Variants in FMO3 observed in about 807,000 individuals in gnomAD.
FMO3 encodes the protein flavin-containing monooxygenase 3.
In FMO3, 40 loss-of-function variants were observed where a neutral mutation model predicts 39.4. The observed-to-expected ratio is 1.02, with a 90% CI of 0.79 to 1.32. FMO3 has a LOEUF of 1.32. Among genes scored for constraint, FMO3 ranks in the 40% most tolerant of loss-of-function variants. The pLI, the probability that FMO3 is intolerant of heterozygous loss-of-function variation, is 0.00. For missense variants in FMO3, 680 were observed against 651.8 expected, an observed-to-expected ratio of 1.04 and a Z score of -0.47; for synonymous variants, 219 against 228.8, an observed-to-expected ratio of 0.96 and a Z score of 0.39.
chr1:171,107,619 T>C (rs998427533), intron 3 of FMO3, 56 bp from the exon 4 acceptor site: 48 of 1,487,906 alleles, frequency 3.2e-5, no homozygotes, highest in South Asian at 2.6e-4. Context: ...ATACTGTATC[T>C]GCCAAAACCA....
intron 2 of FMO3, among the ~76,000 whole-genome samples, chr1:171,093,983 C>T (rs1654839044): frequency 6.6e-6 from 1 of 151,570 alleles, no homozygotes; most frequent in Non-Finnish European, 1.5e-5. Context: ...TACAGGTGCC[C>T]ACACCCAGCT....
chr1:171,099,490 A>C (rs1481838432), intron 2 of FMO3, among the ~76,000 whole-genome samples: 1 of 152,138 alleles, frequency 6.6e-6, no homozygotes. Flanking sequence ...GGCCAAACTT[A>C]GGGCTATTTT....
chr1:171,095,149 G>T (rs1391352194), intron 2 of FMO3, among the ~76,000 whole-genome samples: 1 of 152,032 alleles, frequency 6.6e-6, no homozygotes. Context: ...GGTTAAATGG[G>T]TTCCTAGATA....
chr1:171,096,130 G>T (rs192907268), intron 2 of FMO3, among the ~76,000 whole-genome samples: 42,923 of 73,254 alleles, frequency 0.59, 13,012 homozygotes, highest in African/African-American at 0.75. Context: ...TAATAATATA[G>T]TAATTATTAT....
chr1:171,096,332 A>C (rs563265482), intron 2 of FMO3, among the ~76,000 whole-genome samples: 385 of 94,904 alleles, frequency 4.1e-3, no homozygotes, highest in Admixed American at 0.01. Flanking sequence ...TAATATATAA[A>C]ATATATAAAT....
chr1:171,101,779 T>C (rs774033099), intron 2 of FMO3: 5 of 511,542 alleles, frequency 9.8e-6, no homozygotes, highest in South Asian at 5.9e-5. Context: ...CATTTCTGAA[T>C]AGGCCACGGA....
intron 8 of FMO3, 35 bp from the exon 9 acceptor site, chr1:171,117,065 G>T: frequency 6.8e-7 from 1 of 1,480,704 alleles, no homozygotes; most frequent in South Asian, 1.1e-5. Flanking sequence ...ACAGAGTTTG[G>T]GTATCCACAG....
At chr1:171,096,030 A>AAGTATATAATATATATTATATAT (rs1557932978) in intron 2 of FMO3, among the ~76,000 whole-genome samples, 1 of 60,006 alleles carries the variant, frequency 1.7e-5, no homozygotes, top group Non-Finnish European at 2.8e-5. Flanking sequence ...ATATTAATAT[A>AAGTATATAATATATATTATATAT]TAATATATAT....
chr1:171,096,071 T>TATATATTATA (rs1491505210), intron 2 of FMO3, among the ~76,000 whole-genome samples: 1 of 53,670 alleles, frequency 1.9e-5, no homozygotes, highest in Non-Finnish European at 3.0e-5. Context: ...ATATTATATA[T>TATATATTATA]TAATATATAA....
intron 1 of FMO3, 33 bp from the exon 2 acceptor site, chr1:171,092,620 G>A (rs200526246): frequency 1.9e-5 from 31 of 1,611,230 alleles, no homozygotes; most frequent in African/African-American, 1.9e-4. Context: ...CAGCAATGTT[G>A]TTACTGGAAA....
In FMO3 at chr1:171,117,495, C is replaced by T; in HGVS notation, c.*53C>T. ...GTTACTGACAATACCCAGACAGGGG[C>T]TTTGCTATTTAAAAATTAAAATTTT... On this transcript the variant is annotated 3_prime_UTR_variant, in exon 9 of 9. Coordinates refer to ENST00000367755, the MANE Select transcript of FMO3 (RefSeq NM_001002294.3). 7 of 1,464,106 alleles carry T rather than the reference C, an allele frequency of 4.8e-6. No homozygotes were observed. Among genetic ancestry groups the T allele is most frequent in the Non-Finnish European group, 6.6e-6 (7 of 1,060,480 alleles). 90.7% of individuals were successfully genotyped at this position (1,464,106 alleles called of 1,614,324 possible). A position where few individuals can be genotyped will look rare whatever the true frequency, so the allele number is the denominator to read the frequency against.
chr1:171,113,057 C>G (rs1655984682), intron 6 of FMO3, among the ~76,000 whole-genome samples: 2 of 152,086 alleles, frequency 1.3e-5, no homozygotes, highest in East Asian at 1.9e-4. Context: ...GATCTGGGAG[C>G]CTGATTCTGA....
intron 2 of FMO3, among the ~76,000 whole-genome samples, chr1:171,098,774 T>A (rs1387604946): frequency 6.6e-6 from 1 of 152,132 alleles, no homozygotes; most frequent in African/African-American, 2.4e-5. Context: ...TAATTGAACA[T>A]GCTTTATTTC....
intron 2 of FMO3, chr1:171,100,410 G>A (rs1655328155): frequency 6.6e-6 from 1 of 152,238 alleles, no homozygotes. Flanking sequence ...TTTCAAAATT[G>A]CTTGGGATTA....
intron 8 of FMO3, 43 bp from the exon 9 acceptor site, chr1:171,117,057 A>G: frequency 7.1e-7 from 1 of 1,410,944 alleles, no homozygotes; most frequent in Non-Finnish European, 1.0e-6. Context: ...GTTTCTACAC[A>G]GAGTTTGGGT....
chr1:171,107,716 TACTGGC>T lies in FMO3; in HGVS notation c.364_369del (p.Thr122_Gly123del). Reference sequence around the variant, plus strand: ...TAAATAAACATCCTGATTTTGCAACTACTGGCCAGTGGGATGTTACCACTGAAAGGG... The same window carrying T: ...TAAATAAACATCCTGATTTTGCAACTCAGTGGGATGTTACCACTGAAAGGG... On this transcript the variant is annotated inframe_deletion, in exon 4 of 9. Coordinates refer to ENST00000367755, the MANE Select transcript of FMO3 (RefSeq NM_001002294.3). The T allele has an allele frequency of 6.2e-7, 1 of 1,613,280 alleles. No individual in the cohort carries two copies. The highest frequency in any genetic ancestry group is 2.2e-5 in the East Asian group (1 of 44,848).
intron 2 of FMO3, chr1:171,101,881 C>A: frequency 2.7e-6 from 1 of 377,298 alleles, no homozygotes; most frequent in South Asian, 2.0e-5. Flanking sequence ...TGAATAGTGG[C>A]TTTCTTCTGG....
At chr1:171,095,006 C>T (rs370767765) in intron 2 of FMO3, among the ~76,000 whole-genome samples, 3 of 152,038 alleles carry the variant, frequency 2.0e-5, no homozygotes, top group East Asian at 3.9e-4. Flanking sequence ...TGCATTAAGT[C>T]TTTTGGGCAT....
intron 2 of FMO3, chr1:171,101,074 G>A (rs1335797605): frequency 2.2e-6 from 1 of 456,028 alleles, no homozygotes; most frequent in Non-Finnish European, 4.4e-6. Flanking sequence ...CTTTGATGAT[G>A]GCCAGAGGAG....
Sources: allele counts gnomAD v4.1 joint callset (sites outside exome capture counted in the v4.1 genomes callset), GRCh38; gene constraint gnomAD v4.1.1; transcripts MANE v1.5; gene names NCBI Gene and HGNC (gene_info 2026-07-23, HGNC 2026-07-21).